The following NKAIN2 variants were observed in gnomAD, a reference collection of about 807,000 sequenced individuals.
NKAIN2 encodes sodium/potassium transporting ATPase interacting 2.
In NKAIN2, 14 loss-of-function variants were observed where a neutral mutation model predicts 32.6. The observed-to-expected ratio is 0.43, with a 90% CI of 0.28 to 0.67. The LOEUF is 0.67. Among genes scored for constraint, NKAIN2 ranks in the 30% least tolerant of loss-of-function variants. The pLI, the probability that NKAIN2 is intolerant of heterozygous loss-of-function variation, is 0.17. For synonymous variants in NKAIN2, 80 were observed against 87.2 expected (o/e 0.92, Z 0.46); for missense variants, 198 against 258.3 (o/e 0.77, Z 1.60).
intron 4 of NKAIN2, among the ~76,000 whole-genome samples, chr6:124,769,574 T>A (rs1203380636): frequency 6.6e-6 from 1 of 152,152 alleles, no homozygotes; most frequent in African/African-American, 2.4e-5. Context: ...AAACTCAGAA[T>A]TCTCCATGTC....
chr6:123,954,344 G>A (rs73555236), intron 1 of NKAIN2, among the ~76,000 whole-genome samples: 2,220 of 152,298 alleles, frequency 0.015, 52 homozygotes, highest in African/African-American at 0.051. Context: ...GGCCATCAGG[G>A]CCTAGGGGCT....
chr6:124,774,064 C>T (rs1422640500), intron 4 of NKAIN2, among the ~76,000 whole-genome samples: 2 of 152,080 alleles, frequency 1.3e-5, no homozygotes, highest in African/African-American at 4.8e-5. Flanking sequence ...ATTGGAGAGT[C>T]ATGGAAGATT....
At chr6:123,916,732 ATGTGTG>A (rs537844977) in intron 1 of NKAIN2, among the ~76,000 whole-genome samples, 1 of 150,474 alleles carries the variant, frequency 6.6e-6, no homozygotes, top group Non-Finnish European at 1.5e-5. Flanking sequence ...GTAGATATAT[ATGTGTG>A]TGTGTGTGTG....
At chr6:124,715,908 A>G (rs749667482) in intron 4 of NKAIN2, among the ~76,000 whole-genome samples, 1 of 152,176 alleles carries the variant, frequency 6.6e-6, no homozygotes, top group African/African-American at 2.4e-5. Flanking sequence ...CACAGGTGAA[A>G]TCACTCTACT....
rs61588781 is a variant in NKAIN2 at position 124,369,880 on chromosome 6, A to ATTTTTTTTTTTTTTTTTTTTTT, written c.273+14551_273+14552insTTTTTTTTTTTTTTTTTTTTTT. ...ATTTGCTTTAGAGGGCAGAATGTCA[A>ATTTTTTTTTTTTTTTTTTTTTT]TTTTTTTTTTTTTTTTTTAACCTGT... is the stretch of plus-strand genomic sequence containing the variant. On this transcript the variant is annotated intron_variant, in intron 3 of 6. Transcript: ENST00000368417. 3.0e-4 allele frequency among the ~76,000 whole-genome samples: 25 copies of ATTTTTTTTTTTTTTTTTTTTTT among 82,370 alleles called. 5 individuals carry two copies. Among genetic ancestry groups the ATTTTTTTTTTTTTTTTTTTTTT allele is most frequent in the African/African-American group, 1.3e-3 (22 of 17,514 alleles). 54.0% of individuals were successfully genotyped at this position (82,370 alleles called of 152,430 possible).
chr6:123,909,106 A>G (rs1159161821), intron 1 of NKAIN2, among the ~76,000 whole-genome samples: 2 of 152,100 alleles, frequency 1.3e-5, no homozygotes. Flanking sequence ...TTAATTAAGT[A>G]AAATCTCACT....
chr6:124,340,085 A>T lies in NKAIN2; in HGVS notation c.193-15182A>T, dbSNP rs540406046. 5.3e-5 allele frequency among the ~76,000 whole-genome samples: 8 copies of T among 152,208 alleles called. No individual in the cohort carries two copies. The South Asian group carries it at 1.5e-3, about 28-fold the overall frequency. On this transcript the variant is annotated intron_variant, in intron 2 of 6. Transcript: ENST00000368417. ...CTTTTATTAGAATTCTAAAACTGAG[A>T]CTTCCAAAACCAAATAGATCAATAA... is the stretch of plus-strand genomic sequence containing the variant.
rs1774974822 is a variant in NKAIN2 at position 123,843,715 on chromosome 6, T to C, written c.54+39461T>C. 1.3e-5 allele frequency among the ~76,000 whole-genome samples: 2 copies of C among 152,026 alleles called. 1 individual carries two copies. The highest frequency in any genetic ancestry group is 4.2e-4 in the South Asian group (2 of 4,818). Reference sequence around the variant, plus strand: ...GAAAGGGTAAGATTATTGAAACTTATATAGGATCAGAGCTACAGAAAGAAC... The same window carrying C: ...GAAAGGGTAAGATTATTGAAACTTACATAGGATCAGAGCTACAGAAAGAAC... On this transcript the variant is annotated intron_variant, in intron 1 of 6. Coordinates refer to ENST00000368417, the MANE Select transcript of NKAIN2 (RefSeq NM_001040214.3).
At position 124,621,229 on chromosome 6, in the gene NKAIN2, C is replaced by T. The variant is rs145211511; in HGVS notation, c.274-36957C>T. On this transcript the variant is annotated intron_variant, in intron 3 of 6. Transcript: ENST00000368417. ...CTCTAAGGCAATTTATTTGGGACTA[C>T]GCTGATGGAATTTCAGCTTCATAGG... 1.6e-4 allele frequency among the ~76,000 whole-genome samples: 25 copies of T among 152,234 alleles called. No homozygotes were observed. The East Asian group carries it at 3.7e-3, about 22-fold the overall frequency.
intron 3 of NKAIN2, among the ~76,000 whole-genome samples, chr6:124,432,077 T>C (rs188326172): frequency 1.3e-5 from 2 of 152,164 alleles, no homozygotes; most frequent in Non-Finnish European, 2.9e-5. Flanking sequence ...GAATAGCAAA[T>C]TTCAAAAAGG....
chr6:124,411,855 A>G (rs1774202392), intron 3 of NKAIN2, among the ~76,000 whole-genome samples: 1 of 152,190 alleles, frequency 6.6e-6, no homozygotes, highest in Non-Finnish European at 1.5e-5. Flanking sequence ...ACGTAGTTCC[A>G]TATTTCATGG....
chr6:124,216,098 A>T (rs1791464626), intron 1 of NKAIN2, among the ~76,000 whole-genome samples: 1 of 149,730 alleles, frequency 6.7e-6, no homozygotes, highest in South Asian at 2.1e-4. Flanking sequence ...AGCCTGGGTG[A>T]CAGAGCAAAA....
At chr6:124,338,386 G>A (rs985967364) in intron 2 of NKAIN2, among the ~76,000 whole-genome samples, 4 of 152,000 alleles carry the variant, frequency 2.6e-5, no homozygotes, top group Non-Finnish European at 5.9e-5. Context: ...CTGCTACTTG[G>A]TTATTAGAAT....
chr6:123,824,745 A>C (rs528202337), intron 1 of NKAIN2, among the ~76,000 whole-genome samples: 23 of 152,004 alleles, frequency 1.5e-4, no homozygotes, highest in African/African-American at 4.8e-4. Flanking sequence ...AAAAAAAAGA[A>C]AAAGAAAAAA....
chr6:124,538,043 C>T (rs1235872486), intron 3 of NKAIN2, among the ~76,000 whole-genome samples: 2 of 152,140 alleles, frequency 1.3e-5, no homozygotes, highest in East Asian at 1.9e-4. Flanking sequence ...AAATGTGAGC[C>T]TAATCCAATT....
At position 124,623,717 on chromosome 6, in the gene NKAIN2, T is replaced by C. The variant is rs181238557; in HGVS notation, c.274-34469T>C. On this transcript the variant is annotated intron_variant, in intron 3 of 6. Coordinates refer to ENST00000368417, the MANE Select transcript of NKAIN2 (RefSeq NM_001040214.3). ...CAGCAGAATTCAAGGATATAAACAA[T>C]GTGCAACCATCAGGAATTTGGTTTT... Among the ~76,000 whole-genome samples the C allele has an allele frequency of 2.2e-4, 33 of 152,296 alleles. No homozygotes were observed. The East Asian group carries it at 6.2e-3, about 29-fold the overall frequency.
intron 3 of NKAIN2, among the ~76,000 whole-genome samples, chr6:124,536,601 C>T (rs1290154020): frequency 1.3e-5 from 2 of 152,138 alleles, no homozygotes; most frequent in African/African-American, 4.8e-5. Context: ...CAGAAAAATT[C>T]ATGAGCTAGC....
Position 124,259,486 on chromosome 6 carries a change from C to T in NKAIN2, c.55-23519C>T, listed in dbSNP as rs78531882. On this transcript the variant is annotated intron_variant, in intron 1 of 6. Transcript: ENST00000368417. Reference sequence around the variant, plus strand: ...CAGTTTCTATGTTTATTTAAAAAGACTATTACCATCAGTTCTATGGGCCAG... The same window carrying T: ...CAGTTTCTATGTTTATTTAAAAAGATTATTACCATCAGTTCTATGGGCCAG... Among the ~76,000 whole-genome samples, 898 of 152,212 alleles carry T rather than the reference C, an allele frequency of 5.9e-3. 6 individuals carry two copies. Among genetic ancestry groups the T allele is most frequent in the African/African-American group, 0.021 (871 of 41,544 alleles).
At chr6:124,228,939 A>G (rs1183891007) in intron 1 of NKAIN2, among the ~76,000 whole-genome samples, 1 of 152,144 alleles carries the variant, frequency 6.6e-6, no homozygotes, top group Non-Finnish European at 1.5e-5. Flanking sequence ...TTTATCACAA[A>G]AACATAAGGA....
Sources: allele counts gnomAD v4.1 joint callset (sites outside exome capture counted in the v4.1 genomes callset), GRCh38; gene constraint gnomAD v4.1.1; transcripts MANE v1.5; gene names NCBI Gene and HGNC (gene_info 2026-07-23, HGNC 2026-07-21).